The following PCDH10 variants were observed in gnomAD, a reference collection of about 807,000 sequenced individuals.
PCDH10 encodes protocadherin-10.
PCDH10 carries 15 observed loss-of-function variants against 74.4 expected under a neutral mutation model. The ratio of observed to expected loss-of-function variants is 0.20; its 90% CI spans 0.13 to 0.31. The LOEUF (loss-of-function observed/expected upper bound fraction) is 0.31, where lower values mean the gene tolerates loss of function less well. Ranked by LOEUF, PCDH10 falls within the 10% of genes least tolerant of loss-of-function variation. PCDH10 has a pLI of 1.00. For synonymous variants in PCDH10, 619 were observed against 589.8 expected (o/e 1.05, Z -0.72); for missense variants, 1,260 against 1,390.2 (o/e 0.91, Z 1.49).
At chr4:133,165,863 T>C (rs1727069876) in intron 4 of PCDH10, among the ~76,000 whole-genome samples, 1 of 151,724 alleles carries the variant, frequency 6.6e-6, no homozygotes, top group Non-Finnish European at 1.5e-5. Context: ...AAGTTAAAAC[T>C]AAAAACTGCA....
Position 133,154,329 on chromosome 4 carries a change from T to G in PCDH10, c.2654T>G (p.Leu885Arg). 1 of 1,607,452 alleles carries G rather than the reference T, an allele frequency of 6.2e-7. No homozygotes were observed. The highest frequency in any genetic ancestry group is 8.5e-7 in the Non-Finnish European group (1 of 1,177,252). Residue 885 changes from leucine (L) to arginine (R), a missense_variant, in exon 2 of 5, where the codon CTC becomes CGC. Coordinates refer to ENST00000264360, the MANE Select transcript of PCDH10 (RefSeq NM_032961.3). ...SNETKHQRAE[L>R]SYLVDRPRRV... Reference sequence around the variant, plus strand: ...TAGACTAAACACCAGCGAGCAGAGCTCAGCTATCTAGTTGACAGACCTCGC... The same window carrying G: ...TAGACTAAACACCAGCGAGCAGAGCGCAGCTATCTAGTTGACAGACCTCGC...
At chr4:133,198,688 A>G (rs1410777102), downstream of PCDH10, among the ~76,000 whole-genome samples, 1 of 152,188 alleles carries the variant, frequency 6.6e-6, no homozygotes, top group African/African-American at 2.4e-5. Flanking sequence ...CACTAACATC[A>G]TGCAAAAATA....
chr4:133,207,128 T>A (rs1180074210), intron 2 of PCDH10, among the ~76,000 whole-genome samples: 1 of 152,124 alleles, frequency 6.6e-6, no homozygotes. Context: ...TTTAAATCAA[T>A]AATGTTAAAA....
In PCDH10 at chr4:133,151,980, G is replaced by T. The variant is rs758967264; in HGVS notation, c.1840G>T (p.Ala614Ser). 1.2e-6 allele frequency: 2 copies of T among 1,612,684 alleles called. No individual in the cohort carries two copies. Among genetic ancestry groups the T allele is most frequent in the East Asian group, 2.2e-5 (1 of 44,866 alleles). Residue 614 changes from alanine to serine, a missense_variant, in exon 1 of 5, where the codon GCC (alanine) becomes TCC (serine). By Grantham distance (99) the Ala-to-Ser change is moderately conservative (BLOSUM62 1). Coordinates refer to ENST00000264360, the MANE Select transcript of PCDH10 (RefSeq NM_032961.3). ...AAVDADDGEN[A>S]RLTYSIVRGN... is the part of the protein sequence containing the mutation. ...CGTGGACGCGGACGACGGCGAGAAC[G>T]CCCGGCTCACTTACAGCATCGTGCG...
rs910590308 is a variant in PCDH10 at position 133,208,054 on chromosome 4, T to C, written n.438-22T>C. On this transcript the variant is annotated intron_variant and non_coding_transcript_variant, in intron 2 of 2. Transcript: ENST00000511112. ...GAGGAACTTCTTATATACTGTCTCA[T>C]TATTTTCTGGATTCCTTGCAGAGCT... 6 of 152,342 alleles carry C rather than the reference T, an allele frequency of 3.9e-5. No homozygotes were observed. In the East Asian group the frequency reaches 5.8e-4, roughly 15 times the overall value. 9.4% of individuals were successfully genotyped at this position (152,342 alleles called of 1,614,324 possible). A position where few individuals can be genotyped will look rare whatever the true frequency, so the allele number is the denominator to read the frequency against.
intron 4 of PCDH10, among the ~76,000 whole-genome samples, chr4:133,182,193 G>C (rs1727431145): frequency 6.6e-6 from 1 of 151,994 alleles, no homozygotes; most frequent in African/African-American, 2.4e-5. Context: ...CTGTAGTCAG[G>C]AATGACCAAT....
At chr4:133,162,304 T>G (rs1337928566) in intron 3 of PCDH10, among the ~76,000 whole-genome samples, 1 of 152,202 alleles carries the variant, frequency 6.6e-6, no homozygotes, top group East Asian at 1.9e-4. Flanking sequence ...TAAGTGGTTT[T>G]TAGTAATATG....
At chr4:133,206,890 T>C (rs1304863741) in intron 2 of PCDH10, among the ~76,000 whole-genome samples, 2 of 152,158 alleles carry the variant, frequency 1.3e-5, no homozygotes, top group Non-Finnish European at 2.9e-5. Flanking sequence ...TTCAGTAGAT[T>C]TTTTATTGCT....
chr4:133,184,438 C>T (rs1727487179), intron 4 of PCDH10, among the ~76,000 whole-genome samples: 1 of 151,642 alleles, frequency 6.6e-6, no homozygotes, highest in South Asian at 2.1e-4. Flanking sequence ...GCCTGGGCAA[C>T]ATGGTGAAAC....
At chr4:133,205,479 G>A (rs750354854) in intron 2 of PCDH10, among the ~76,000 whole-genome samples, 14 of 152,220 alleles carry the variant, frequency 9.2e-5, no homozygotes, top group Non-Finnish European at 2.1e-4. Flanking sequence ...CTGAAATTTG[G>A]TATTGTGGAA....
rs1427288904 is a variant in PCDH10, at chr4:133,151,668, A to C, written c.1528A>C (p.Met510Leu). Residue 510 changes from methionine to leucine, a missense_variant, in exon 1 of 5, where the codon ATG becomes CTG. Physicochemically the swap from Met to Leu is conservative, Grantham distance 15. Coordinates refer to ENST00000264360, the MANE Select transcript of PCDH10 (RefSeq NM_032961.3). ...YSILECQIQG[M>L]SVFTYVSINS... Reference sequence around the variant, plus strand: ...TATCCTCGAGTGCCAGATCCAGGGCATGAGCGTCTTCACCTACGTTTCTAT... The same window carrying C: ...TATCCTCGAGTGCCAGATCCAGGGCCTGAGCGTCTTCACCTACGTTTCTAT... 1.9e-6 allele frequency: 3 copies of C among 1,613,580 alleles called. No individual in the cohort carries two copies. In the Admixed American group the frequency reaches 5.0e-5, roughly 27 times the overall value.
At chr4:133,201,178 CCAT>C (rs1407876991) in intron 2 of PCDH10, among the ~76,000 whole-genome samples, 1 of 152,156 alleles carries the variant, frequency 6.6e-6, no homozygotes, top group Non-Finnish European at 1.5e-5. Context: ...TTTTACAAAA[CCAT>C]CATCATTTCA....
chr4:133,183,010 C>T lies in PCDH10; in HGVS notation c.3104-7131C>T, dbSNP rs575056174. Reference sequence around the variant, plus strand: ...CAAAAATAGATCTTTAGAATACTGACGATTCTTGTATCTAAATGGAAAAGT... The same window carrying T: ...CAAAAATAGATCTTTAGAATACTGATGATTCTTGTATCTAAATGGAAAAGT... On this transcript the variant is annotated intron_variant, in intron 4 of 4. Coordinates refer to ENST00000264360, the MANE Select transcript of PCDH10 (RefSeq NM_032961.3). Among the ~76,000 whole-genome samples, 67 of 151,698 alleles carry T rather than the reference C, an allele frequency of 4.4e-4. 1 individual carries two copies. Among genetic ancestry groups the T allele is most frequent in the African/African-American group, 1.4e-3 (60 of 41,416 alleles).
At chr4:133,178,062 A>G (rs759260624) in intron 4 of PCDH10, among the ~76,000 whole-genome samples, 4 of 152,150 alleles carry the variant, frequency 2.6e-5, no homozygotes, top group Non-Finnish European at 5.9e-5. Flanking sequence ...AGAAGTAAAT[A>G]TTCTAGCTTG....
At chr4:133,163,306 G>A (rs1176689690) in intron 4 of PCDH10, 24 bp downstream of exon 4, 2 of 1,559,154 alleles carry the variant, frequency 1.3e-6, no homozygotes, top group African/African-American at 2.7e-5. Flanking sequence ...AAAGGGCTCT[G>A]TTAAAGTGTT....
Position 133,168,138 on chromosome 4 carries a change from A to G in PCDH10, c.3103+4856A>G, listed in dbSNP as rs946523742. On this transcript the variant is annotated intron_variant, in intron 4 of 4. Transcript: ENST00000264360. The stretch of plus-strand genomic sequence containing the variant: ...TGGGAACTTCTCTGTAACACTAGAT[A>G]CATGAGATATTATAATATTTTTTCT... Among the ~76,000 whole-genome samples, 5 of 151,602 alleles carry G rather than the reference A, an allele frequency of 3.3e-5. No individual in the cohort carries two copies. In the East Asian group the frequency reaches 9.6e-4, roughly 29 times the overall value.
chr4:133,205,818 C>T (rs892010002), intron 2 of PCDH10, among the ~76,000 whole-genome samples: 9 of 151,952 alleles, frequency 5.9e-5, no homozygotes, highest in South Asian at 4.1e-4. Flanking sequence ...TTCTTGTTTT[C>T]AGAATGTTCC....
At chr4:133,157,103 C>A (rs922341163) in intron 3 of PCDH10, among the ~76,000 whole-genome samples, 1 of 152,126 alleles carries the variant, frequency 6.6e-6, no homozygotes, top group Admixed American at 6.5e-5. Context: ...AATTAACAAT[C>A]CTTTTATGTA....
intron 2 of PCDH10, among the ~76,000 whole-genome samples, chr4:133,203,973 G>A (rs928195445): frequency 2.6e-5 from 4 of 152,150 alleles, no homozygotes; most frequent in Admixed American, 6.5e-5. Context: ...AGAATTTTGG[G>A]TAGGGTTTTT....
Sources: gnomAD v4.1 joint callset for allele counts (sites outside exome capture counted in the v4.1 genomes callset) on GRCh38, gnomAD v4.1.1 for gene constraint, MANE v1.5 for transcripts, NCBI Gene and HGNC (gene_info 2026-07-23, HGNC 2026-07-21) for gene names.